The following QTMAN variants were observed in gnomAD, a reference collection of about 807,000 sequenced individuals.
The protein encoded by QTMAN is tRNA-queuosine alpha-mannosyltransferase.
At chr2:144,051,921 T>A in the QTMAN span, among the ~76,000 whole-genome samples, 1 of 152,242 alleles carries the variant, frequency 6.6e-6, no homozygotes, top group Non-Finnish European at 1.5e-5. Context: ...AGGTTCAACT[T>A]TACTCTCTCT....
At chr2:144,179,501 T>G in the QTMAN span, among the ~76,000 whole-genome samples, 1 of 152,278 alleles carries the variant, frequency 6.6e-6, no homozygotes, top group East Asian at 1.9e-4. Context: ...ACCGAGTGCA[T>G]GATACAATTA....
chr2:144,079,539 C>A, the QTMAN span, among the ~76,000 whole-genome samples: 1 of 151,982 alleles, frequency 6.6e-6, no homozygotes. Flanking sequence ...TATAGCACTG[C>A]CCTTGGGGAA....
the QTMAN span, among the ~76,000 whole-genome samples, chr2:144,070,627 G>C: frequency 6.6e-6 from 1 of 152,182 alleles, no homozygotes; most frequent in Non-Finnish European, 1.5e-5. Flanking sequence ...ACAGTGAGCT[G>C]TGTTAACACA....
chr2:144,041,704 C>A, the QTMAN span, among the ~76,000 whole-genome samples: 9 of 152,138 alleles, frequency 5.9e-5, no homozygotes, highest in Admixed American at 5.9e-4. Flanking sequence ...GTAAAAAACA[C>A]AATCTCCATG....
chr2:144,258,178 G>C, the QTMAN span, among the ~76,000 whole-genome samples: 49 of 146,796 alleles, frequency 3.3e-4, no homozygotes, highest in African/African-American at 1.2e-3. Flanking sequence ...GATAAGTATA[G>C]AAGGTAAAAA....
At chr2:144,269,775 C>A in the QTMAN span, among the ~76,000 whole-genome samples, 1 of 151,888 alleles carries the variant, frequency 6.6e-6, no homozygotes, top group African/African-American at 2.4e-5. Flanking sequence ...TTAGTCCAGT[C>A]CACATGGAAA....
At chr2:144,079,407 T>C in the QTMAN span, among the ~76,000 whole-genome samples, 1 of 152,168 alleles carries the variant, frequency 6.6e-6, no homozygotes, top group Non-Finnish European at 1.5e-5. Context: ...CTAGATCATA[T>C]GCATTTTATT....
At chr2:144,250,017 A>G in the QTMAN span, among the ~76,000 whole-genome samples, 1 of 152,182 alleles carries the variant, frequency 6.6e-6, no homozygotes, top group South Asian at 2.1e-4. Flanking sequence ...TCAAGAGGAC[A>G]CAAGAGATCT....
At chr2:144,011,078 G>A in the QTMAN span, among the ~76,000 whole-genome samples, 1 of 152,032 alleles carries the variant, frequency 6.6e-6, no homozygotes, top group Admixed American at 6.6e-5. Context: ...CTTGTTTATA[G>A]TATCTTTTCA....
the QTMAN span, among the ~76,000 whole-genome samples, chr2:143,993,932 T>A: frequency 6.6e-6 from 1 of 152,156 alleles, no homozygotes. Flanking sequence ...TGTGTTTTAT[T>A]TTAGAAAATG....
At chr2:144,052,812 C>T in the QTMAN span, among the ~76,000 whole-genome samples, 5 of 152,248 alleles carry the variant, frequency 3.3e-5, no homozygotes, top group East Asian at 1.9e-4. Flanking sequence ...CCACCACACC[C>T]GACTAATTTT....
the QTMAN span, among the ~76,000 whole-genome samples, chr2:144,245,076 C>G: frequency 6.6e-6 from 1 of 152,100 alleles, no homozygotes; most frequent in Admixed American, 6.5e-5. Context: ...AGACAGTGTC[C>G]CTTCACTATT....
At chr2:144,107,337 C>A in the QTMAN span, among the ~76,000 whole-genome samples, 1 of 151,930 alleles carries the variant, frequency 6.6e-6, no homozygotes, top group African/African-American at 2.4e-5. Context: ...TTGAAAACAT[C>A]AACAAAATTG....
chr2:144,268,755 AATT>A, the QTMAN span, among the ~76,000 whole-genome samples: 2 of 152,222 alleles, frequency 1.3e-5, no homozygotes, highest in African/African-American at 4.8e-5. Flanking sequence ...GCTATGTTAT[AATT>A]ATTAAGTAAA....
chr2:144,042,481 C>T, the QTMAN span, among the ~76,000 whole-genome samples: 1 of 152,026 alleles, frequency 6.6e-6, no homozygotes, highest in African/African-American at 2.4e-5. Context: ...GAAGGCCGGG[C>T]GTGGTGGTTC....
the QTMAN span, among the ~76,000 whole-genome samples, chr2:144,149,922 T>C: frequency 6.6e-6 from 1 of 152,048 alleles, no homozygotes; most frequent in East Asian, 1.9e-4. Context: ...ACCATTACCA[T>C]TAAGATGCAC....
the QTMAN span, among the ~76,000 whole-genome samples, chr2:143,978,546 G>C: frequency 6.6e-6 from 1 of 152,054 alleles, no homozygotes; most frequent in East Asian, 1.9e-4. Flanking sequence ...CCCTTTCTCT[G>C]CAACTCTGGC....
chr2:144,029,147 T>C, the QTMAN span, among the ~76,000 whole-genome samples: 1 of 152,212 alleles, frequency 6.6e-6, no homozygotes, highest in South Asian at 2.1e-4. Context: ...TGAAACGTTG[T>C]ATGGCTAATG....
chr2:144,046,479 G>A, the QTMAN span, among the ~76,000 whole-genome samples: 1 of 152,104 alleles, frequency 6.6e-6, no homozygotes, highest in Non-Finnish European at 1.5e-5. Context: ...TCAAACCCCT[G>A]GGCTCAAGCA....
Sources: allele counts gnomAD v4.1 joint callset (sites outside exome capture counted in the v4.1 genomes callset), GRCh38; gene constraint gnomAD v4.1.1; transcripts MANE v1.5; gene names NCBI Gene and HGNC (gene_info 2026-07-23, HGNC 2026-07-21).